Variants in AIG1 observed in about 807,000 individuals in gnomAD.
AIG1 encodes the protein androgen induced 1.
In AIG1, 23 loss-of-function variants were observed where a neutral mutation model predicts 31.4. That is an observed-to-expected ratio of 0.73 (90% CI 0.53 to 1.04). The LOEUF is 1.04. Among genes scored for constraint, AIG1 ranks in the 50% least tolerant of loss-of-function variants. AIG1 has a pLI of 0.00. For synonymous variants in AIG1, 100 were observed against 110.5 expected, an observed-to-expected ratio of 0.90 and a Z score of 0.60; for missense variants, 274 against 295.0, an observed-to-expected ratio of 0.93 and a Z score of 0.52.
rs1776740151 is a variant in AIG1, at chr6:143,327,863, T to A, written c.516-5419T>A. ...GAAAGAACATGATTTTGTCTTTAGA[T>A]ATATTGAGTTTGAGGTATCTTTAAG... On this transcript the variant is annotated intron_variant, in intron 4 of 5. Transcript: ENST00000357847. This position sits in a 1 kb window ranked among gnomAD's most constrained non-coding sequence, Gnocchi z 5.3. Among the ~76,000 whole-genome samples, 1 of 152,144 alleles carries A rather than the reference T, an allele frequency of 6.6e-6. No homozygotes were observed. The highest frequency in any genetic ancestry group is 6.6e-5 in the Admixed American group (1 of 15,264).
intron 1 of AIG1, among the ~76,000 whole-genome samples, chr6:143,136,271 A>AT (rs1289808579): frequency 1.3e-5 from 2 of 152,246 alleles, no homozygotes; most frequent in South Asian, 2.1e-4. Context: ...CATTCAGTCG[A>AT]TTTTTTTATG....
At chr6:143,129,415 C>T (rs1783019352) in intron 1 of AIG1, among the ~76,000 whole-genome samples, 1 of 152,190 alleles carries the variant, frequency 6.6e-6, no homozygotes, top group Non-Finnish European at 1.5e-5. Flanking sequence ...GGGGGCTGTA[C>T]TATAGTCCCA....
intron 1 of AIG1, among the ~76,000 whole-genome samples, chr6:143,076,673 A>ATT (rs559735679): frequency 1.4e-4 from 19 of 136,702 alleles, no homozygotes; most frequent in East Asian, 8.4e-4. Context: ...GGTTATTTGA[A>ATT]TTTTTTTTTT....
In AIG1 at chr6:143,120,644, C is replaced by T. The variant is rs150072313; in HGVS notation, c.142-16191C>T. ...TCCACCAGGTCCCTGTCATAACACG[C>T]GGGGATTATGGGAACTAAAATTCAA... On this transcript the variant is annotated intron_variant, in intron 1 of 5. Coordinates refer to ENST00000357847, the MANE Select transcript of AIG1 (RefSeq NM_016108.4). Among the ~76,000 whole-genome samples the T allele has an allele frequency of 5.2e-3, 785 of 152,248 alleles. 5 individuals carry two copies. The highest frequency in any genetic ancestry group is 0.011 in the African/African-American group (466 of 41,530).
At chr6:143,121,068 T>A (rs944410055) in intron 1 of AIG1, among the ~76,000 whole-genome samples, 3 of 152,258 alleles carry the variant, frequency 2.0e-5, no homozygotes, top group African/African-American at 7.2e-5. Flanking sequence ...TAAGGAATAC[T>A]TTTAGTTAAT....
intron 3 of AIG1, chr6:143,186,662 C>T (rs2128591491): frequency 6.6e-6 from 1 of 152,312 alleles, no homozygotes; most frequent in African/African-American, 2.4e-5. Context: ...TTCTTTTTCC[C>T]ACAACAGTTT....
At position 143,085,254 on chromosome 6, in the gene AIG1, G is replaced by C. The variant is rs577652487; in HGVS notation, c.141+24188G>C. Among the ~76,000 whole-genome samples, 13 of 152,254 alleles carry C rather than the reference G, an allele frequency of 8.5e-5. No homozygotes were observed. The South Asian group carries it at 2.7e-3, about 32-fold the overall frequency. ...GGAGAACGTTTCCCATCTGAAAATA[G>C]AACATAGGGATGCCAGCACCCCTAG... On this transcript the variant is annotated intron_variant, in intron 1 of 5. Transcript: ENST00000357847.
intron 3 of AIG1, among the ~76,000 whole-genome samples, chr6:143,196,509 A>T (rs746309789): frequency 6.6e-5 from 10 of 152,180 alleles, no homozygotes; most frequent in Non-Finnish European, 1.0e-4. Context: ...TTCCATAGGC[A>T]TGCCATTAGA....
At chr6:143,306,386 G>A (rs62430876) in intron 4 of AIG1, among the ~76,000 whole-genome samples, 8,990 of 152,024 alleles carry the variant, frequency 0.059, 331 homozygotes, top group African/African-American at 0.092. Context: ...TCCATGTTTA[G>A]TGCTTCCTTC....
chr6:143,132,245 G>A (rs1477610726), intron 1 of AIG1, among the ~76,000 whole-genome samples: 2 of 152,042 alleles, frequency 1.3e-5, no homozygotes, highest in African/African-American at 4.8e-5. Flanking sequence ...TCATTGATCT[G>A]TATAGATTTC....
chr6:143,207,018 A>G (rs1046490716), intron 3 of AIG1, among the ~76,000 whole-genome samples: 5 of 152,190 alleles, frequency 3.3e-5, no homozygotes, highest in African/African-American at 1.2e-4. Flanking sequence ...TTAAGATGTC[A>G]TAAGTAATAT....
intron 1 of AIG1, among the ~76,000 whole-genome samples, chr6:143,094,570 A>G (rs1342940340): frequency 6.6e-6 from 1 of 152,176 alleles, no homozygotes; most frequent in Non-Finnish European, 1.5e-5. Flanking sequence ...GAGGCCTACA[A>G]AGCACTATTT....
intron 3 of AIG1, among the ~76,000 whole-genome samples, chr6:143,240,886 A>G (rs1018141732): frequency 3.9e-5 from 6 of 152,174 alleles, no homozygotes; most frequent in Non-Finnish European, 7.3e-5. Context: ...TCTGCAGACC[A>G]TACTCTATGA....
At chr6:143,320,220 T>A (rs1445484263) in intron 4 of AIG1, among the ~76,000 whole-genome samples, 1 of 152,008 alleles carries the variant, frequency 6.6e-6, no homozygotes, top group East Asian at 1.9e-4. Flanking sequence ...AAAGGATGAG[T>A]GTTTGCAAGG....
chr6:143,336,179 A>G (rs1468271918), intron 5 of AIG1, among the ~76,000 whole-genome samples: 1 of 152,082 alleles, frequency 6.6e-6, no homozygotes, highest in Non-Finnish European at 1.5e-5. Flanking sequence ...TTACTATACA[A>G]TCCCCCAAGA....
chr6:143,278,389 T>C (rs1209734891), intron 3 of AIG1, among the ~76,000 whole-genome samples: 10 of 152,156 alleles, frequency 6.6e-5, no homozygotes, highest in Admixed American at 6.5e-4. Flanking sequence ...GTTTATTCCC[T>C]CTGAATTATC....
chr6:143,231,438 A>G (rs1216084145), intron 3 of AIG1, among the ~76,000 whole-genome samples: 7 of 152,234 alleles, frequency 4.6e-5, no homozygotes, highest in African/African-American at 1.7e-4. Context: ...AAAGCTTCCC[A>G]GAAGAGGTGA....
Position 143,099,174 on chromosome 6 carries a change from T to A in AIG1, c.142-37661T>A, listed in dbSNP as rs142851493. ...TCGATTCCACCAAAAATGGCCACAT[T>A]TCTCTTTGACTAAAAAGTAGTAAAT... On this transcript the variant is annotated intron_variant, in intron 1 of 5. Coordinates refer to ENST00000357847, the MANE Select transcript of AIG1 (RefSeq NM_016108.4). 6.5e-3 allele frequency among the ~76,000 whole-genome samples: 991 copies of A among 152,328 alleles called. 4 individuals carry two copies. The highest frequency in any genetic ancestry group is 9.7e-3 in the Non-Finnish European group (658 of 68,028).
intron 3 of AIG1, among the ~76,000 whole-genome samples, chr6:143,281,152 G>A (rs1797316050): frequency 6.6e-6 from 1 of 152,172 alleles, no homozygotes; most frequent in South Asian, 2.1e-4. Context: ...AAAAGAGCAT[G>A]AGATTTGGAG....
Sources: allele counts gnomAD v4.1 joint callset (sites outside exome capture counted in the v4.1 genomes callset), GRCh38; gene constraint gnomAD v4.1.1; non-coding constraint Gnocchi (gnomAD v3.1); transcripts MANE v1.5; gene names NCBI Gene and HGNC (gene_info 2026-07-23, HGNC 2026-07-21).